Variants in KREMEN1 observed in about 807,000 individuals in gnomAD.
KREMEN1 encodes the protein kremen protein 1.
Under a neutral mutation model 46.5 loss-of-function variants are expected in KREMEN1, and 30 were observed. The ratio of observed to expected loss-of-function variants is 0.65; its 90% CI spans 0.48 to 0.88. The LOEUF (loss-of-function observed/expected upper bound fraction) is 0.88, where lower values mean the gene tolerates loss of function less well. Ranked by LOEUF, KREMEN1 falls within the 40% of genes least tolerant of loss-of-function variation. The pLI is 0.00. For missense variants in KREMEN1, 533 were observed against 596.9 expected, an observed-to-expected ratio of 0.89 and a Z score of 1.11; for synonymous variants, 214 against 230.6, an observed-to-expected ratio of 0.93 and a Z score of 0.65.
chr22:29,139,476 G>C (rs1212737550), intron 7 of KREMEN1, among the ~76,000 whole-genome samples: 1 of 152,126 alleles, frequency 6.6e-6, no homozygotes, highest in East Asian at 1.9e-4. Context: ...GGTGGTGCAC[G>C]CTTGTGGTCC....
chr22:29,144,585 T>C lies in KREMEN1; in HGVS notation c.*2473T>C, dbSNP rs558695160. On this transcript the variant is annotated 3_prime_UTR_variant, in exon 9 of 9. Transcript: ENST00000400335. ...ACGTGCAGTCTCCCCTCCAAGCTAT[T>C]CATGCTGTTTGTGGAATCTCTCTCA... is the stretch of plus-strand genomic sequence containing the variant. 1.7e-5 allele frequency: 17 copies of C among 985,550 alleles called. No homozygotes were observed. The South Asian group carries it at 7.5e-4, about 44-fold the overall frequency. 61.1% of individuals were successfully genotyped at this position (985,550 alleles called of 1,614,324 possible). A position where few individuals can be genotyped will look rare whatever the true frequency, so the allele number is the denominator to read the frequency against.
intron 5 of KREMEN1, among the ~76,000 whole-genome samples, chr22:29,133,189 A>G (rs2038591963): frequency 6.7e-6 from 1 of 148,896 alleles, no homozygotes; most frequent in Non-Finnish European, 1.5e-5. Context: ...TGAAGCTTGC[A>G]GTGAGCAGAG....
At chr22:29,115,006 C>G (rs1213529766) in intron 3 of KREMEN1, among the ~76,000 whole-genome samples, 1 of 152,098 alleles carries the variant, frequency 6.6e-6, no homozygotes, top group Non-Finnish European at 1.5e-5. Context: ...AGAAAGGAGT[C>G]AAAACCAACT....
chr22:29,119,764 C>T (rs1022580394), intron 3 of KREMEN1, among the ~76,000 whole-genome samples: 2 of 152,228 alleles, frequency 1.3e-5, no homozygotes, highest in African/African-American at 4.8e-5. Context: ...TGATGTGTGG[C>T]TGTGAAACAC....
chr22:29,131,659 TATATAC>T lies in KREMEN1; in HGVS notation c.632-5680_632-5675del, dbSNP rs1281266304. On this transcript the variant is annotated intron_variant, in intron 5 of 8. Coordinates refer to ENST00000400335, the MANE Select transcript of KREMEN1 (RefSeq NM_001039570.3). ...ATATATGTGTGTATATATATGTATA[TATATAC>T]ATGTATATATATGCATATATACATG... 7.7e-5 allele frequency among the ~76,000 whole-genome samples: 8 copies of T among 103,600 alleles called. No individual in the cohort carries two copies. The South Asian group carries it at 1.4e-3, about 18-fold the overall frequency. 68.0% of individuals were successfully genotyped at this position (103,600 alleles called of 152,430 possible). A position where few individuals can be genotyped will look rare whatever the true frequency, so the allele number is the denominator to read the frequency against.
intron 2 of KREMEN1, among the ~76,000 whole-genome samples, chr22:29,095,374 T>C (rs1302999204): frequency 1.3e-5 from 2 of 152,234 alleles, no homozygotes; most frequent in African/African-American, 2.4e-5. Context: ...CTCAAAGTTA[T>C]CTGTGATTGA....
intron 3 of KREMEN1, among the ~76,000 whole-genome samples, chr22:29,108,934 C>T (rs968173691): frequency 1.3e-5 from 2 of 152,088 alleles, no homozygotes; most frequent in African/African-American, 4.8e-5. Context: ...GGACAACAGG[C>T]GCACACTACT....
At chr22:29,148,661 G>T (rs1248108214), downstream of KREMEN1, among the ~76,000 whole-genome samples, 1 of 151,970 alleles carries the variant, frequency 6.6e-6, no homozygotes, top group African/African-American at 2.4e-5. Flanking sequence ...CACCATGTTG[G>T]CCAGGCTGGT....
rs1028958542 is a variant in KREMEN1, at chr22:29,073,896, C to T, written c.97+669C>T. Among the ~76,000 whole-genome samples the T allele has an allele frequency of 1.3e-5, 2 of 152,184 alleles. No individual in the cohort carries two copies. On this transcript the variant is annotated intron_variant, in intron 1 of 8. Coordinates refer to ENST00000400335, the MANE Select transcript of KREMEN1 (RefSeq NM_001039570.3). The surrounding 1 kb of genome is among the most constrained non-coding windows in gnomAD (Gnocchi z 4.4). Reference sequence around the variant, plus strand: ...ACGCACCTTGCACCGGGACGACTCCCCCGCTACAAGAGGCTATACGCCCCT... The same window carrying T: ...ACGCACCTTGCACCGGGACGACTCCTCCGCTACAAGAGGCTATACGCCCCT...
At chr22:29,106,496 T>A in intron 3 of KREMEN1, among the ~76,000 whole-genome samples, 1 of 152,016 alleles carries the variant, frequency 6.6e-6, no homozygotes, top group Non-Finnish European at 1.5e-5. Flanking sequence ...CCCAACACAT[T>A]ATCTTATTTA....
At chr22:29,147,192 AGGAGGCTAT>A (rs2038878035), downstream of KREMEN1, among the ~76,000 whole-genome samples, 1 of 152,188 alleles carries the variant, frequency 6.6e-6, no homozygotes, top group African/African-American at 2.4e-5. Context: ...TCTATTCCTC[AGGAGGCTAT>A]GGAGGCTATG....
chr22:29,131,309 A>AT (rs1026582343), intron 5 of KREMEN1, among the ~76,000 whole-genome samples: 11 of 151,952 alleles, frequency 7.2e-5, no homozygotes, highest in African/African-American at 2.2e-4. Flanking sequence ...CCAAAGCTTG[A>AT]TTTTTTCTTA....
intron 5 of KREMEN1, among the ~76,000 whole-genome samples, chr22:29,126,205 A>T (rs1047576613): frequency 6.6e-6 from 1 of 151,912 alleles, no homozygotes; most frequent in Non-Finnish European, 1.5e-5. Context: ...CGCTACTGGC[A>T]TCTCAACCAG....
chr22:29,100,303 C>T (rs572452194), intron 3 of KREMEN1, among the ~76,000 whole-genome samples: 2 of 152,048 alleles, frequency 1.3e-5, no homozygotes, highest in South Asian at 2.1e-4. Context: ...TTAGTAGAGA[C>T]GGGGTTTCTC....
intron 1 of KREMEN1, among the ~76,000 whole-genome samples, chr22:29,092,018 G>A (rs1016794736): frequency 4.6e-5 from 7 of 152,160 alleles, no homozygotes; most frequent in African/African-American, 1.7e-4. Context: ...CATCACAGAG[G>A]CCTTGCAGAC....
rs192888891 is a variant in KREMEN1, at chr22:29,121,112, T to A, written c.353-245T>A. On this transcript the variant is annotated intron_variant, in intron 3 of 8. Coordinates refer to ENST00000400335, the MANE Select transcript of KREMEN1 (RefSeq NM_001039570.3). ...AATATTAAACAGTTTTTTTTTTTTT[T>A]AAATACGTATTCGGTTAGTTAAATG... 8.4e-3 allele frequency among the ~76,000 whole-genome samples: 1,260 copies of A among 150,092 alleles called. 14 individuals carry two copies. The highest frequency in any genetic ancestry group is 0.03 in the African/African-American group (1,205 of 40,566).
At chr22:29,120,083 ATGGAGGAGG>A (rs2145809869) in intron 3 of KREMEN1, among the ~76,000 whole-genome samples, 1 of 60,816 alleles carries the variant, frequency 1.6e-5, no homozygotes, top group Non-Finnish European at 2.8e-5. Context: ...GATGAAGGAA[ATGGAGGAGG>A]GAGAGGTGAT....
intron 3 of KREMEN1, among the ~76,000 whole-genome samples, chr22:29,107,674 A>G (rs1421184915): frequency 6.6e-6 from 1 of 152,100 alleles, no homozygotes; most frequent in East Asian, 1.9e-4. Context: ...GCTAGAGCCA[A>G]GGAGTTCAAG....
At chr22:29,090,722 A>G (rs2037791792) in intron 1 of KREMEN1, among the ~76,000 whole-genome samples, 1 of 152,224 alleles carries the variant, frequency 6.6e-6, no homozygotes, top group Non-Finnish European at 1.5e-5. Flanking sequence ...GATGAAATCA[A>G]GATGCGCTAG....
Sources: allele counts gnomAD v4.1 joint callset (sites outside exome capture counted in the v4.1 genomes callset), GRCh38; gene constraint gnomAD v4.1.1; non-coding constraint Gnocchi (gnomAD v3.1); transcripts MANE v1.5; gene names NCBI Gene and HGNC (gene_info 2026-07-23, HGNC 2026-07-21).